Variants in JAZF1 observed in about 807,000 individuals in gnomAD.
JAZF1 encodes JAZF zinc finger 1.
Under a neutral mutation model 26.4 loss-of-function variants are expected in JAZF1, and 8 were observed. The ratio of observed to expected loss-of-function variants is 0.30; its 90% confidence interval spans 0.18 to 0.55. The LOEUF (loss-of-function observed/expected upper bound fraction) is 0.55, where lower values mean the gene tolerates loss of function less well. JAZF1 is among the 20% of genes least tolerant of loss of function. The probability of loss-of-function intolerance (pLI) is 0.94; values close to 1 mark genes in which losing one functional copy is unlikely to be tolerated. For synonymous variants in JAZF1, 126 were observed against 122.3 expected (o/e 1.03, Z -0.20); for missense variants, 199 against 322.0 (o/e 0.62, Z 2.92).
At chr7:27,897,616 T>G (rs1029012201) in intron 2 of JAZF1, among the ~76,000 whole-genome samples, 1 of 152,254 alleles carries the variant, frequency 6.6e-6, no homozygotes, top group African/African-American at 2.4e-5. Flanking sequence ...TGTAGCTATC[T>G]GATAGGAAGC....
chr7:28,014,684 G>A (rs183268999), intron 1 of JAZF1, among the ~76,000 whole-genome samples: 56 of 152,196 alleles, frequency 3.7e-4, no homozygotes, highest in African/African-American at 1.0e-3. Flanking sequence ...CCCAGTCTTC[G>A]GTATGTCTTT....
chr7:28,050,668 T>C (rs969958177), intron 1 of JAZF1, among the ~76,000 whole-genome samples: 22 of 152,186 alleles, frequency 1.4e-4, no homozygotes, highest in African/African-American at 4.6e-4. Context: ...TCTGTCAGTT[T>C]TTGTAAGTGT....
chr7:27,872,820 T>C (rs1378893265), intron 3 of JAZF1, among the ~76,000 whole-genome samples: 2 of 143,474 alleles, frequency 1.4e-5, no homozygotes, highest in Non-Finnish European at 3.0e-5. Flanking sequence ...TTGGGTTCGA[T>C]TTTTTTTTTC....
chr7:28,112,082 A>G (rs557537404), intron 1 of JAZF1, among the ~76,000 whole-genome samples: 1 of 152,320 alleles, frequency 6.6e-6, no homozygotes, highest in South Asian at 2.1e-4. Context: ...TCCCAAACCT[A>G]TGATTTTATG....
At chr7:28,056,966 T>A (rs1783722346) in intron 1 of JAZF1, among the ~76,000 whole-genome samples, 1 of 152,238 alleles carries the variant, frequency 6.6e-6, no homozygotes, top group Non-Finnish European at 1.5e-5. Flanking sequence ...TTCTAGAGCA[T>A]GCTAAAATGT....
At chr7:27,897,380 G>T (rs1209480511) in intron 2 of JAZF1, among the ~76,000 whole-genome samples, 1 of 152,208 alleles carries the variant, frequency 6.6e-6, no homozygotes, top group Non-Finnish European at 1.5e-5. Context: ...GTAATTTGAG[G>T]CAAGTTGATA....
chr7:27,911,445 G>C (rs151144443), intron 2 of JAZF1, among the ~76,000 whole-genome samples: 48 of 152,210 alleles, frequency 3.2e-4, no homozygotes, highest in African/African-American at 8.7e-4. Flanking sequence ...CATGCCATAG[G>C]AAAGTTACAA....
At chr7:27,924,116 T>C (rs1234548192) in intron 2 of JAZF1, among the ~76,000 whole-genome samples, 1 of 152,192 alleles carries the variant, frequency 6.6e-6, no homozygotes, top group Non-Finnish European at 1.5e-5. Context: ...TCTTGCTCTG[T>C]CGCCCAGGCT....
chr7:28,071,683 T>TA (rs1218466617), intron 1 of JAZF1: 2 of 470,174 alleles, frequency 4.3e-6, no homozygotes, highest in Admixed American at 4.8e-5. Flanking sequence ...TACAGCTGAT[T>TA]AAAGGGTTTG....
rs571964530 is a variant in JAZF1 at position 27,936,032 on chromosome 7, T to C, written c.189-40616A>G. ...CCTAGTCCCAGCCCTGGTTCCGCTT[T>C]CCATGCCACCTCCCTGGGAAGTTCG... On this transcript the variant is annotated intron_variant, in intron 2 of 4. Coordinates refer to ENST00000283928, the MANE Select transcript of JAZF1 (RefSeq NM_175061.4). Among the ~76,000 whole-genome samples the C allele has an allele frequency of 7.9e-5, 12 of 152,294 alleles. 1 individual carries two copies. The South Asian group carries it at 2.5e-3, about 32-fold the overall frequency.
rs56170226 is a variant in JAZF1, at chr7:27,970,904, G to A, written c.188+21005C>T. Among the ~76,000 whole-genome samples, 1,290 of 152,174 alleles carry A rather than the reference G, an allele frequency of 8.5e-3. 15 individuals carry two copies. Among genetic ancestry groups the A allele is most frequent in the Middle Eastern group, 0.017 (5 of 294 alleles). On this transcript the variant is annotated intron_variant, in intron 2 of 4. Transcript: ENST00000283928. ...AGCAGTCCACAGGCTTCACAAGTTCGCCAAAGGGCTCCCACAACCTCCCTT... is the reference window on the plus strand; with the variant it reads ...AGCAGTCCACAGGCTTCACAAGTTCACCAAAGGGCTCCCACAACCTCCCTT...
intron 1 of JAZF1, among the ~76,000 whole-genome samples, chr7:28,148,187 C>T (rs1635851): frequency 0.56 from 84,398 of 151,750 alleles, 23,932 homozygotes; most frequent in East Asian, 0.7. Context: ...TCTCCAGCCT[C>T]AGCTTCCCGA....
intron 1 of JAZF1, among the ~76,000 whole-genome samples, chr7:28,129,599 G>A (rs1374461887): frequency 2.6e-5 from 4 of 152,098 alleles, no homozygotes; most frequent in African/African-American, 9.7e-5. Flanking sequence ...TATACCAAAA[G>A]AACTACAAGT....
At chr7:27,932,968 T>C (rs1312504704) in intron 2 of JAZF1, among the ~76,000 whole-genome samples, 1 of 152,220 alleles carries the variant, frequency 6.6e-6, no homozygotes, top group Non-Finnish European at 1.5e-5. Flanking sequence ...ATACAAGATC[T>C]GGTAACGATG....
intron 1 of JAZF1, among the ~76,000 whole-genome samples, chr7:28,157,793 T>C (rs149732979): frequency 1.3e-5 from 2 of 152,318 alleles, no homozygotes; most frequent in African/African-American, 2.4e-5. Flanking sequence ...CTCATGCACC[T>C]ACATACACAA....
chr7:27,882,061 G>A (rs1172701624), intron 3 of JAZF1, among the ~76,000 whole-genome samples: 1 of 152,150 alleles, frequency 6.6e-6, no homozygotes, highest in Admixed American at 6.5e-5. Flanking sequence ...CAATGTCAGG[G>A]ACCGACTAAT....
intron 3 of JAZF1, among the ~76,000 whole-genome samples, chr7:27,886,180 C>T (rs1783859634): frequency 6.6e-6 from 1 of 152,120 alleles, no homozygotes; most frequent in Middle Eastern, 3.2e-3. Context: ...TTTATTAATC[C>T]TCACAGTAAA....
At chr7:27,983,243 G>C (rs1203586827) in intron 2 of JAZF1, among the ~76,000 whole-genome samples, 1 of 152,188 alleles carries the variant, frequency 6.6e-6, no homozygotes, top group Non-Finnish European at 1.5e-5. Flanking sequence ...ATAGTGTAGA[G>C]AAAGCCTTAA....
chr7:28,050,608 C>G (rs1258522384), intron 1 of JAZF1, among the ~76,000 whole-genome samples: 3 of 152,128 alleles, frequency 2.0e-5, no homozygotes. Flanking sequence ...TTAGACTATG[C>G]ATGGTGTCCA....
Sources: gnomAD v4.1 joint callset for allele counts (sites outside exome capture counted in the v4.1 genomes callset) on GRCh38, gnomAD v4.1.1 for gene constraint, MANE v1.5 for transcripts, NCBI Gene and HGNC (gene_info 2026-07-23, HGNC 2026-07-21) for gene names.